Variants in EDAR observed in about 807,000 individuals in gnomAD.
EDAR encodes ectodysplasin A receptor, also known as tumor necrosis factor receptor superfamily member EDAR.
EDAR carries 38 observed loss-of-function variants against 51.3 expected under a neutral mutation model. The observed-to-expected ratio is 0.74, with a 90% confidence interval of 0.57 to 0.97. The LOEUF (loss-of-function observed/expected upper bound fraction) is 0.97, where lower values mean the gene tolerates loss of function less well. Ranked by LOEUF, EDAR falls within the 50% of genes least tolerant of loss-of-function variation. EDAR has a pLI of 0.00. For missense variants in EDAR, 528 were observed against 595.0 expected, an observed-to-expected ratio of 0.89 and a Z score of 1.17; for synonymous variants, 227 against 242.1, an observed-to-expected ratio of 0.94 and a Z score of 0.58.
At chr2:108,967,543 C>A (rs369627946) in intron 1 of EDAR, among the ~76,000 whole-genome samples, 233 of 152,042 alleles carry the variant, frequency 1.5e-3, no homozygotes, top group African/African-American at 5.3e-3. Context: ...GTCTTGTGCA[C>A]AACAAGTGAC....
chr2:108,977,353 G>C (rs939857786), intron 1 of EDAR, among the ~76,000 whole-genome samples: 2 of 152,098 alleles, frequency 1.3e-5, no homozygotes, highest in South Asian at 4.1e-4. Flanking sequence ...ACTGCAAGCT[G>C]CGCCTCCCGG....
intron 1 of EDAR, among the ~76,000 whole-genome samples, chr2:108,973,210 A>C (rs761818557): frequency 1.3e-5 from 2 of 151,792 alleles, no homozygotes; most frequent in Non-Finnish European, 2.9e-5. Context: ...CTGGTGTTGA[A>C]CTCCTGACAT....
intron 11 of EDAR, among the ~76,000 whole-genome samples, chr2:108,900,278 G>T (rs954689988): frequency 2.0e-5 from 3 of 152,158 alleles, no homozygotes; most frequent in African/African-American, 7.2e-5. Flanking sequence ...ACTAAAGGCT[G>T]GGCCTGGTGG....
chr2:108,982,044 G>A (rs1246562980), intron 1 of EDAR, among the ~76,000 whole-genome samples: 1 of 152,246 alleles, frequency 6.6e-6, no homozygotes, highest in East Asian at 1.9e-4. Flanking sequence ...GGCAGGGACA[G>A]ATGTTTAACG....
At chr2:108,913,577 G>A (rs1696970346) in intron 5 of EDAR, among the ~76,000 whole-genome samples, 1 of 151,772 alleles carries the variant, frequency 6.6e-6, no homozygotes, top group South Asian at 2.1e-4. Context: ...CTTTGGGATT[G>A]TTGTTCAGCA....
At chr2:108,934,974 T>A (rs1697438796) in intron 1 of EDAR, among the ~76,000 whole-genome samples, 1 of 152,216 alleles carries the variant, frequency 6.6e-6, no homozygotes. Flanking sequence ...TCAGGGGTTG[T>A]GAAGCCAGTC....
At chr2:108,920,132 G>A (rs1161834978) in intron 5 of EDAR, among the ~76,000 whole-genome samples, 3 of 152,236 alleles carry the variant, frequency 2.0e-5, no homozygotes, top group African/African-American at 7.2e-5. Context: ...TGAGGGAAGT[G>A]CAGGCCAGCT....
rs527622241 is a variant in EDAR at position 108,984,260 on chromosome 2, G to A, written c.-19+4700C>T. 3.1e-4 allele frequency among the ~76,000 whole-genome samples: 47 copies of A among 152,206 alleles called. 1 individual carries two copies. Among genetic ancestry groups the A allele is most frequent in the African/African-American group, 1.1e-3 (46 of 41,514 alleles). On this transcript the variant is annotated intron_variant, in intron 1 of 11. Transcript: ENST00000258443. ...CAACTCTCCCAGGAAGAGGCTACTT[G>A]GAGACCCAGCTCCTTAGAAGCAAAT...
rs73952564 is a variant in EDAR, at chr2:108,941,144, T to C, written c.-18-10112A>G. The stretch of plus-strand genomic sequence containing the variant: ...CACTGAATATAATACCTGTGATGCG[T>C]CTGCGTTGTGGGAATTAGGACTTTA... On this transcript the variant is annotated intron_variant, in intron 1 of 11. Coordinates refer to ENST00000258443, the MANE Select transcript of EDAR (RefSeq NM_022336.4). Among the ~76,000 whole-genome samples the C allele has an allele frequency of 3.9e-3, 594 of 152,352 alleles. 5 individuals carry two copies. The highest frequency in any genetic ancestry group is 0.013 in the African/African-American group (556 of 41,578).
intron 4 of EDAR, among the ~76,000 whole-genome samples, chr2:108,924,240 C>T (rs1208254594): frequency 6.6e-6 from 1 of 152,254 alleles, no homozygotes; most frequent in African/African-American, 2.4e-5. Context: ...GGCTATATGA[C>T]TGCTCAGGTC....
intron 1 of EDAR, among the ~76,000 whole-genome samples, chr2:108,979,406 C>A (rs1183696079): frequency 6.6e-6 from 1 of 151,520 alleles, no homozygotes; most frequent in Non-Finnish European, 1.5e-5. Flanking sequence ...AAGCCCCATC[C>A]CAAGCTTTGG....
At chr2:108,924,772 G>A (rs1038470065) in intron 4 of EDAR, among the ~76,000 whole-genome samples, 2 of 152,182 alleles carry the variant, frequency 1.3e-5, no homozygotes, top group Admixed American at 1.3e-4. Context: ...GAGAAGCCAC[G>A]ACAGCCAGTT....
chr2:108,964,486 C>G (rs964015638), intron 1 of EDAR, among the ~76,000 whole-genome samples: 1 of 152,158 alleles, frequency 6.6e-6, no homozygotes, highest in Non-Finnish European at 1.5e-5. Flanking sequence ...AGTCCCTACT[C>G]TAAGAGGAAA....
Position 108,929,211 on chromosome 2 carries a change from G to C in EDAR, c.343C>G (p.Pro115Ala), listed in dbSNP as rs748083346. 30 of 1,613,946 alleles carry C rather than the reference G, an allele frequency of 1.9e-5. No homozygotes were observed. In the East Asian group the frequency reaches 6.7e-4, roughly 36 times the overall value. Reference sequence around the variant, plus strand: ...GCCTGTGCTTACCCAGGGAGGCAAGGGCCACACTCAGCGTCATTCTCCATG... The same window carrying C: ...GCCTGTGCTTACCCAGGGAGGCAAGCGCCACACTCAGCGTCATTCTCCATG... ...GDMENDAECG[P>A]CLPGYYMLEN... The change falls in exon 4 of 12, where the codon CCT becomes GCT. Residue 115 changes from proline to alanine, a missense_variant. Pro to Ala is a conservative substitution (Grantham distance 27). Coordinates refer to ENST00000258443, the MANE Select transcript of EDAR (RefSeq NM_022336.4).
chr2:108,970,563 A>G (rs1451460615), intron 1 of EDAR, among the ~76,000 whole-genome samples: 2 of 152,082 alleles, frequency 1.3e-5, no homozygotes, highest in African/African-American at 4.8e-5. Context: ...GGAGGTGGAC[A>G]GGATTGCAGG....
chr2:108,970,387 G>C (rs1266012058), intron 1 of EDAR, among the ~76,000 whole-genome samples: 1 of 152,150 alleles, frequency 6.6e-6, no homozygotes, highest in Non-Finnish European at 1.5e-5. Context: ...GAGAACCTGG[G>C]AGCCCAGAGT....
chr2:108,921,144 G>A (rs1352996581), intron 5 of EDAR, among the ~76,000 whole-genome samples: 11 of 152,106 alleles, frequency 7.2e-5, no homozygotes, highest in East Asian at 5.8e-4. Flanking sequence ...AGAAGCTGCC[G>A]TCTCTTTAAG....
intron 4 of EDAR, among the ~76,000 whole-genome samples, chr2:108,926,889 G>A (rs1048888893): frequency 4.6e-5 from 7 of 152,186 alleles, no homozygotes; most frequent in African/African-American, 1.2e-4. Context: ...TAGTCACACC[G>A]GCCTGCCAAG....
chr2:108,966,900 C>A lies in EDAR; in HGVS notation c.-19+22060G>T, dbSNP rs565065139. Among the ~76,000 whole-genome samples the A allele has an allele frequency of 2.6e-5, 4 of 152,334 alleles. 1 individual carries two copies. The South Asian group carries it at 8.3e-4, about 32-fold the overall frequency. On this transcript the variant is annotated intron_variant, in intron 1 of 11. Transcript: ENST00000258443. ...GGGAGACAGAGAGGGACCCTCTTTA[C>A]TGGGGTTTGTCCCAAAGACCAGCCA...
Sources: allele counts gnomAD v4.1 joint callset (sites outside exome capture counted in the v4.1 genomes callset), GRCh38; gene constraint gnomAD v4.1.1; transcripts MANE v1.5; gene names NCBI Gene and HGNC (gene_info 2026-07-23, HGNC 2026-07-21).